RUNX1: variants seen among roughly 807,000 people sequenced by gnomAD.
RUNX1 encodes RUNX family transcription factor 1, also known as runt-related transcription factor 1.
Under a neutral mutation model 42.8 loss-of-function variants are expected in RUNX1, and 19 were observed. The observed-to-expected ratio is 0.44, with a 90% CI of 0.31 to 0.65. The LOEUF (loss-of-function observed/expected upper bound fraction) is 0.65, where lower values mean the gene tolerates loss of function less well. RUNX1 is among the 30% of genes least tolerant of loss of function. RUNX1 has a pLI of 0.07. For missense variants in RUNX1, 528 were observed against 672.0 expected, an observed-to-expected ratio of 0.79 and a Z score of 2.37; for synonymous variants, 271 against 289.4, an observed-to-expected ratio of 0.94 and a Z score of 0.64.
intron 2 of RUNX1, among the ~76,000 whole-genome samples, chr21:35,047,545 A>ACTCTCT (rs2059406132): frequency 4.6e-5 from 6 of 129,578 alleles, no homozygotes; most frequent in East Asian, 5.6e-4. Flanking sequence ...ACACACACAC[A>ACTCTCT]CACACACACA....
chr21:34,887,086 C>G lies in RUNX1; in HGVS notation c.108G>C (p.Thr36=). The change falls in exon 4 of 9, where the codon ACG becomes ACC. Residue 36 remains threonine, a synonymous_variant. Transcript: ENST00000675419. ...NPSRDVHDAS[T]SRRFTPPSTA... ...TGGAAGGCGGCGTGAAGCGGCGGCT[C>G]GTGCTGGCATCTACGGGGATACGCA... The G allele has an allele frequency of 6.3e-7, 1 of 1,598,276 alleles. No individual in the cohort carries two copies. Among genetic ancestry groups the G allele is most frequent in the Non-Finnish European group, 8.5e-7 (1 of 1,179,844 alleles).
intron 2 of RUNX1, among the ~76,000 whole-genome samples, chr21:34,970,965 C>A (rs559477814): frequency 6.6e-6 from 1 of 152,238 alleles, no homozygotes; most frequent in African/African-American, 2.4e-5. Flanking sequence ...TGTTTGTAAA[C>A]TAAGGGTTTT....
In RUNX1 at chr21:34,866,518, G is replaced by C. The variant is rs1046896194; in HGVS notation, c.509-6940C>G. Among the ~76,000 whole-genome samples, 9 of 152,138 alleles carry C rather than the reference G, an allele frequency of 5.9e-5. No individual in the cohort carries two copies. In the East Asian group the frequency reaches 1.7e-3, roughly 29 times the overall value. ...GGATTCCAGGAGTAGTCTGCATTTG[G>C]AGTATTTTTTATGAAGTATTTTTAA... is the stretch of plus-strand genomic sequence containing the variant. On this transcript the variant is annotated intron_variant, in intron 5 of 8. Transcript: ENST00000675419.
intron 2 of RUNX1, among the ~76,000 whole-genome samples, chr21:34,932,188 G>C (rs1340311438): frequency 6.6e-6 from 1 of 152,070 alleles, no homozygotes; most frequent in African/African-American, 2.4e-5. Context: ...CTTTTTATCT[G>C]TTTTCATGTA....
intron 6 of RUNX1, among the ~76,000 whole-genome samples, chr21:34,844,053 C>T (rs1038038843): frequency 1.3e-5 from 2 of 152,124 alleles, no homozygotes; most frequent in African/African-American, 4.8e-5. Context: ...ATATTAGCAA[C>T]CCTCCCTAGG....
chr21:34,853,775 T>G (rs2057457563), intron 6 of RUNX1, among the ~76,000 whole-genome samples: 1 of 151,944 alleles, frequency 6.6e-6, no homozygotes, highest in Non-Finnish European at 1.5e-5. Context: ...CACCACCAGT[T>G]TACAGGTTGG....
At chr21:34,873,577 C>T (rs1442693856) in intron 5 of RUNX1, among the ~76,000 whole-genome samples, 1 of 152,236 alleles carries the variant, frequency 6.6e-6, no homozygotes, top group African/African-American at 2.4e-5. Context: ...CATTTTCAGT[C>T]TAGCAGCAGA....
At chr21:34,856,549 C>T (rs2057497370) in intron 6 of RUNX1, 2 of 449,672 alleles carry the variant, frequency 4.4e-6, no homozygotes, top group East Asian at 5.7e-5. Context: ...CAGAAGTAGA[C>T]ATCAGGAACT....
intron 2 of RUNX1, among the ~76,000 whole-genome samples, chr21:34,961,544 AG>A (rs906079700): frequency 2.0e-5 from 3 of 152,174 alleles, no homozygotes; most frequent in African/African-American, 7.2e-5. Flanking sequence ...TCTGAACTTC[AG>A]TTCCTTGTAG....
intron 7 of RUNX1, among the ~76,000 whole-genome samples, chr21:34,804,973 G>A (rs1193068235): frequency 4.6e-5 from 7 of 151,788 alleles, no homozygotes; most frequent in South Asian, 2.1e-4. Context: ...GGTTGGTCTC[G>A]AACTCCTGAC....
chr21:34,950,019 C>T (rs968951279), intron 2 of RUNX1, among the ~76,000 whole-genome samples: 4 of 152,118 alleles, frequency 2.6e-5, no homozygotes, highest in Admixed American at 6.5e-5. Flanking sequence ...CATGAAGCAG[C>T]CTTAGAGATC....
intron 2 of RUNX1, among the ~76,000 whole-genome samples, chr21:34,926,998 C>A (rs1476551583): frequency 6.6e-6 from 1 of 152,120 alleles, no homozygotes; most frequent in African/African-American, 2.4e-5. Flanking sequence ...TTGGCTAAAG[C>A]ACTGTCCAAA....
chr21:34,928,960 T>TG (rs1417938631), intron 2 of RUNX1, among the ~76,000 whole-genome samples: 54 of 84,334 alleles, frequency 6.4e-4, no homozygotes, highest in African/African-American at 1.4e-3. Flanking sequence ...CAGATTTTTT[T>TG]TGGGGGGGGG....
At position 34,847,459 on chromosome 21, in the gene RUNX1, A is replaced by G. The variant is rs546636337; in HGVS notation, c.613+12015T>C. Among the ~76,000 whole-genome samples, 11 of 143,506 alleles carry G rather than the reference A, an allele frequency of 7.7e-5. 1 individual carries two copies. The highest frequency in any genetic ancestry group is 2.5e-4 in the African/African-American group (10 of 39,912). The allele number at this position is 143,506 out of a possible 152,430, so 94.1% of individuals were successfully genotyped here. ...TATTTAAAATCCCTAAGATTTTAAT[A>G]TAGTACATGCAAAACAATAATAGAT... On this transcript the variant is annotated intron_variant, in intron 6 of 8. Coordinates refer to ENST00000675419, the MANE Select transcript of RUNX1 (RefSeq NM_001754.5).
intron 2 of RUNX1, among the ~76,000 whole-genome samples, chr21:35,007,639 T>C (rs1456983243): frequency 1.3e-5 from 2 of 152,182 alleles, no homozygotes; most frequent in Non-Finnish European, 2.9e-5. Flanking sequence ...TGTCACCTCT[T>C]GCTGGCCTCT....
intron 6 of RUNX1, among the ~76,000 whole-genome samples, chr21:34,849,140 C>G (rs1265430252): frequency 6.9e-6 from 1 of 145,960 alleles, no homozygotes; most frequent in African/African-American, 2.6e-5. Context: ...CATGAAAGTA[C>G]CAAACCAATG....
chr21:34,821,552 A>G, intron 7 of RUNX1: 1 of 1,537,612 alleles, frequency 6.5e-7, no homozygotes, highest in Non-Finnish European at 8.8e-7. Flanking sequence ...TGCCTTCCTC[A>G]TAACGTGCAT....
chr21:34,909,532 C>T (rs1475662433), intron 2 of RUNX1, among the ~76,000 whole-genome samples: 2 of 140,872 alleles, frequency 1.4e-5, no homozygotes, highest in Non-Finnish European at 3.0e-5. Context: ...GTGCAGCTCA[C>T]ATGTGGCTAC....
At chr21:34,856,354 T>C (rs1349969313) in intron 6 of RUNX1, 4 of 518,906 alleles carry the variant, frequency 7.7e-6, no homozygotes, top group Admixed American at 3.9e-5. Flanking sequence ...CCTTCTATAA[T>C]AGACAGTCTT....
Sources: allele counts gnomAD v4.1 joint callset (sites outside exome capture counted in the v4.1 genomes callset), GRCh38; gene constraint gnomAD v4.1.1; transcripts MANE v1.5; gene names NCBI Gene and HGNC (gene_info 2026-07-23, HGNC 2026-07-21).